OPCML: variants seen among roughly 807,000 people sequenced by gnomAD.
The protein encoded by OPCML is opioid-binding protein/cell adhesion molecule.
In OPCML, 13 loss-of-function variants were observed where a neutral mutation model predicts 37.8. That is an observed-to-expected ratio of 0.34 (90% CI 0.22 to 0.55). The LOEUF (loss-of-function observed/expected upper bound fraction) is 0.55. OPCML is among the 20% of genes least tolerant of loss of function. The probability of loss-of-function intolerance (pLI) is 0.91; values close to 1 mark genes in which losing one functional copy is unlikely to be tolerated. For synonymous variants in OPCML, 176 were observed against 168.8 expected (o/e 1.04, Z -0.33); for missense variants, 341 against 435.6 (o/e 0.78, Z 1.93).
intron 1 of OPCML, among the ~76,000 whole-genome samples, chr11:133,101,850 T>C (rs927014947): frequency 6.6e-6 from 1 of 152,052 alleles, no homozygotes; most frequent in African/African-American, 2.4e-5. Context: ...GGATAAACTG[T>C]GGTACTTCCA....
intron 1 of OPCML, among the ~76,000 whole-genome samples, chr11:133,150,399 A>T (rs2137188910): frequency 6.6e-6 from 1 of 152,204 alleles, no homozygotes; most frequent in East Asian, 1.9e-4. Flanking sequence ...GAGTTGATGC[A>T]GGTGCGAAAT....
At chr11:132,436,333 A>G in intron 6 of OPCML, 96 bp from the exon 7 acceptor site, 1 of 1,602,972 alleles carries the variant, frequency 6.2e-7, no homozygotes, top group Middle Eastern at 1.7e-4. Flanking sequence ...CTTCAAACTC[A>G]AACCCTAAGC....
intron 4 of OPCML, among the ~76,000 whole-genome samples, chr11:132,515,760 T>G (rs1365370597): frequency 6.6e-6 from 1 of 152,186 alleles, no homozygotes; most frequent in Non-Finnish European, 1.5e-5. Flanking sequence ...AGGAATGATC[T>G]TCTTCACACT....
At position 133,263,824 on chromosome 11, in the gene OPCML, C is replaced by G. The variant is rs80304245; in HGVS notation, c.61+268440G>C. Among the ~76,000 whole-genome samples the G allele has an allele frequency of 7.5e-3, 1,144 of 152,202 alleles. 11 individuals carry two copies. Among genetic ancestry groups the G allele is most frequent in the African/African-American group, 0.025 (1,033 of 41,508 alleles). The stretch of plus-strand genomic sequence containing the variant: ...ATAACGGCATACTTCTTTTCATTCC[C>G]CACTCCAAAAATCTGCCATGTATTT... On this transcript the variant is annotated intron_variant, in intron 1 of 7. Coordinates refer to ENST00000524381, the MANE Select transcript of OPCML (RefSeq NM_001012393.5).
At chr11:132,622,994 C>T (rs999694731) in intron 3 of OPCML, among the ~76,000 whole-genome samples, 7 of 152,050 alleles carry the variant, frequency 4.6e-5, no homozygotes, top group Non-Finnish European at 8.8e-5. Flanking sequence ...CGAGATAATG[C>T]GGAAGAAAGA....
chr11:133,078,949 C>T (rs1344962446), intron 1 of OPCML, among the ~76,000 whole-genome samples: 1 of 152,148 alleles, frequency 6.6e-6, no homozygotes, highest in Non-Finnish European at 1.5e-5. Flanking sequence ...TTAGAGACTT[C>T]CGAGGCCACG....
chr11:132,807,510 C>A (rs11223219), intron 2 of OPCML, among the ~76,000 whole-genome samples: 1 of 151,958 alleles, frequency 6.6e-6, no homozygotes, highest in Non-Finnish European at 1.5e-5. Flanking sequence ...TTTATAAATC[C>A]ACGGGTAAAT....
chr11:132,754,770 GAGTGATGCT>G (rs1319199150), intron 2 of OPCML, among the ~76,000 whole-genome samples: 9 of 152,170 alleles, frequency 5.9e-5, no homozygotes, highest in African/African-American at 2.2e-4. Context: ...GTGGCTGTCA[GAGTGATGCT>G]AGAAAGGGTG....
intron 1 of OPCML, among the ~76,000 whole-genome samples, chr11:133,254,560 A>G (rs1941249950): frequency 6.6e-6 from 1 of 152,212 alleles, no homozygotes; most frequent in Non-Finnish European, 1.5e-5. Flanking sequence ...ATGATGACTC[A>G]GGCCAAAGAA....
chr11:132,760,157 G>C (rs757878954), intron 2 of OPCML, among the ~76,000 whole-genome samples: 2 of 152,172 alleles, frequency 1.3e-5, no homozygotes, highest in Non-Finnish European at 2.9e-5. Flanking sequence ...ACTGTGGTCT[G>C]AGAGACTGTT....
At position 133,177,752 on chromosome 11, in the gene OPCML, A is replaced by C. The variant is rs528157755; in HGVS notation, c.62-234742T>G. ...TTCTAGCTGCTCGAGCAAATGTGGA[A>C]TCTCATGGAATCGGCCCCACACACT... On this transcript the variant is annotated intron_variant, in intron 1 of 7. Transcript: ENST00000524381. The surrounding 1 kb of genome is among the most constrained non-coding windows in gnomAD (Gnocchi z 5.0). 3.9e-5 allele frequency among the ~76,000 whole-genome samples: 6 copies of C among 152,312 alleles called. No individual in the cohort carries two copies. The South Asian group carries it at 1.2e-3, about 32-fold the overall frequency.
intron 3 of OPCML, among the ~76,000 whole-genome samples, chr11:132,590,715 A>G (rs761241004): frequency 1.2e-4 from 18 of 152,082 alleles, no homozygotes; most frequent in Non-Finnish European, 2.4e-4. Context: ...AACGGCACAC[A>G]CGCATGACAC....
rs955442814 is a variant in OPCML at position 133,007,956 on chromosome 11, G to T, written c.62-64946C>A. On this transcript the variant is annotated intron_variant, in intron 1 of 7. Transcript: ENST00000524381. ...TTATGTTTTATATATTCACAGACAT[G>T]CAGAGAATTCCATGAGGACAGGCAC... The T allele has an allele frequency of 6.2e-5, 61 of 985,352 alleles. 1 individual carries two copies. Among genetic ancestry groups the T allele is most frequent in the Admixed American group, 1.2e-4 (2 of 16,266 alleles). The allele number at this position is 985,352 out of a possible 1,614,324, so 61.0% of individuals were successfully genotyped here.
At chr11:132,704,477 C>T (rs1192962799) in intron 2 of OPCML, among the ~76,000 whole-genome samples, 1 of 152,020 alleles carries the variant, frequency 6.6e-6, no homozygotes, top group African/African-American at 2.4e-5. Context: ...GAACTAGAAG[C>T]CAGTGGGCAC....
At chr11:133,234,503 C>G (rs997809611) in intron 1 of OPCML, among the ~76,000 whole-genome samples, 8 of 152,242 alleles carry the variant, frequency 5.3e-5, no homozygotes, top group African/African-American at 1.9e-4. Flanking sequence ...TGGCCAGGGT[C>G]TTGCAGAGGA....
In OPCML at chr11:132,851,035, G is replaced by A. The variant is rs546482536; in HGVS notation, c.146+91891C>T. On this transcript the variant is annotated intron_variant, in intron 2 of 7. Transcript: ENST00000524381. ...CAACTTCAATGGGGAGGAAAATTACGTCTTTATTCTCACTCACCTCTAATT... is the reference window on the plus strand; with the variant it reads ...CAACTTCAATGGGGAGGAAAATTACATCTTTATTCTCACTCACCTCTAATT... Among the ~76,000 whole-genome samples the A allele has an allele frequency of 3.2e-4, 49 of 152,280 alleles. No individual in the cohort carries two copies. In the South Asian group the frequency reaches 8.7e-3, roughly 27 times the overall value.
At chr11:132,528,647 G>C (rs1160864930) in intron 4 of OPCML, among the ~76,000 whole-genome samples, 1 of 152,180 alleles carries the variant, frequency 6.6e-6, no homozygotes, top group Non-Finnish European at 1.5e-5. Context: ...TGTCCTAAAA[G>C]TGCTGAAGCA....
intron 1 of OPCML, among the ~76,000 whole-genome samples, chr11:133,112,231 T>A (rs1405982232): frequency 6.9e-6 from 1 of 145,102 alleles, no homozygotes; most frequent in Non-Finnish European, 1.5e-5. Context: ...TATTTCAAAA[T>A]TTTTTCTAAA....
intron 2 of OPCML, among the ~76,000 whole-genome samples, chr11:132,691,796 C>G (rs1943415372): frequency 6.6e-6 from 1 of 152,198 alleles, no homozygotes; most frequent in Admixed American, 6.5e-5. Context: ...GAGAAGGAAA[C>G]AGCATTTGAA....
Sources: allele counts gnomAD v4.1 joint callset (sites outside exome capture counted in the v4.1 genomes callset), GRCh38; gene constraint gnomAD v4.1.1; non-coding constraint Gnocchi (gnomAD v3.1); transcripts MANE v1.5; gene names NCBI Gene and HGNC (gene_info 2026-07-23, HGNC 2026-07-21).